The following DNAH6 variants were observed in gnomAD, a reference collection of about 807,000 sequenced individuals.
DNAH6 encodes the protein dynein axonemal heavy chain 6, also known as axonemal beta dynein heavy chain 6.
Under a neutral mutation model 491.4 loss-of-function variants are expected in DNAH6, and 340 were observed. That is an observed-to-expected ratio of 0.69 (90% CI 0.63 to 0.76). The LOEUF (loss-of-function observed/expected upper bound fraction) is 0.76, where lower values mean the gene tolerates loss of function less well. DNAH6 is among the 30% of genes least tolerant of loss of function. DNAH6 has a pLI of 0.00. For missense variants in DNAH6, 4,443 were observed against 4,972.2 expected (o/e 0.89, Z 3.20); for synonymous variants, 1,603 against 1,686.1 (o/e 0.95, Z 1.21).
chr2:84,685,461 C>T lies in DNAH6; in HGVS notation c.7052C>T (p.Thr2351Ile). The change falls in exon 43 of 77, where the codon ACA becomes ATA. Residue 2351 changes from threonine (T) to isoleucine (I), a missense_variant. Coordinates refer to ENST00000389394, the MANE Select transcript of DNAH6 (RefSeq NM_001370.2). ...AAGCACTATTTCCATGTTATTCTGA[C>T]AGAAATGGCCAGTAAATATGAATCT... is the stretch of plus-strand genomic sequence containing the variant. ...EDKHYFHVIL[T>I]EMANKHFGIA... The T allele has an allele frequency of 6.8e-7, 1 of 1,475,580 alleles. No individual in the cohort carries two copies. Among genetic ancestry groups the T allele is most frequent in the Non-Finnish European group, 9.0e-7 (1 of 1,106,298 alleles). The allele number at this position is 1,475,580 out of a possible 1,614,324, so 91.4% of individuals were successfully genotyped here.
At chr2:84,796,724 T>C (rs1268219370) in intron 69 of DNAH6, among the ~76,000 whole-genome samples, 18 of 152,180 alleles carry the variant, frequency 1.2e-4, no homozygotes, top group Non-Finnish European at 5.9e-5. Flanking sequence ...CATCCAGACA[T>C]AGTGGCACAT....
chr2:84,624,827 C>T (rs570379627), intron 28 of DNAH6, 75 bp from the exon 29 acceptor site: 16 of 1,394,140 alleles, frequency 1.1e-5, no homozygotes, highest in Admixed American at 1.1e-4. Flanking sequence ...TAATCCTTCC[C>T]CCATAGAGAG....
intron 67 of DNAH6, among the ~76,000 whole-genome samples, chr2:84,786,266 A>G (rs1677175564): frequency 6.6e-6 from 1 of 152,040 alleles, no homozygotes; most frequent in South Asian, 2.1e-4. Flanking sequence ...TCTCTACAAA[A>G]GTTTTAAAAA....
At chr2:84,787,358 T>C (rs1489522151) in intron 68 of DNAH6, 56 bp downstream of exon 68, 1 of 1,422,768 alleles carries the variant, frequency 7.0e-7, no homozygotes, top group Non-Finnish European at 9.6e-7. Context: ...GTTGTTGGTT[T>C]ACTCCCACCT....
In DNAH6 at chr2:84,716,958, C is replaced by T. The variant is rs563657674; in HGVS notation, c.9612-1246C>T. 2.6e-5 allele frequency among the ~76,000 whole-genome samples: 4 copies of T among 152,326 alleles called. No individual in the cohort carries two copies. The East Asian group carries it at 7.7e-4, about 29-fold the overall frequency. ...CTGAGCTCCTGGACAGGCAGTGATA[C>T]ACATTGTGCTCAATTTCTCATTGCA... On this transcript the variant is annotated intron_variant, in intron 58 of 76. Coordinates refer to ENST00000389394, the MANE Select transcript of DNAH6 (RefSeq NM_001370.2).
chr2:84,588,496 C>T (rs1485076271), intron 15 of DNAH6, among the ~76,000 whole-genome samples: 1 of 152,214 alleles, frequency 6.6e-6, no homozygotes, highest in Non-Finnish European at 1.5e-5. Context: ...ATCATATCCC[C>T]TTCCTTCTCT....
At chr2:84,817,571 C>T (rs1294534348) in intron 76 of DNAH6, among the ~76,000 whole-genome samples, 1 of 152,010 alleles carries the variant, frequency 6.6e-6, no homozygotes, top group Non-Finnish European at 1.5e-5. Flanking sequence ...AGTTCAACAC[C>T]AGCCTGGGCA....
intron 18 of DNAH6, among the ~76,000 whole-genome samples, chr2:84,602,100 CCAGACA>C (rs1157299804): frequency 6.6e-6 from 1 of 151,462 alleles, no homozygotes; most frequent in Non-Finnish European, 1.5e-5. Flanking sequence ...TGTTTTTGCT[CCAGACA>C]GTTATCTTTT....
chr2:84,762,914 A>G lies in DNAH6; in HGVS notation c.10672A>G (p.Arg3558Gly), dbSNP rs746026580. Residue 3558 changes from arginine to glycine, a missense_variant, in exon 64 of 77, where the codon AGG (arginine) becomes GGG (glycine). Physicochemically the swap from Arg to Gly is moderately radical, Grantham distance 125 (BLOSUM62 -2). Around this residue, in one of 3 missense-constraint regions of DNAH6, gnomAD observed 1,463 missense variants for 1,656.6 expected, o/e 0.88. Transcript: ENST00000389394. The part of the protein sequence containing the change: ...TGSDPMGAFQ[R>G]FARESGYSER... ...CTCAGATCCCATGGGTGCATTTCAG[A>G]GGTTTGCCAGGGAAAGTGGATATTC... The G allele has an allele frequency of 6.4e-7, 1 of 1,551,394 alleles. No individual in the cohort carries two copies. Among genetic ancestry groups the G allele is most frequent in the African/African-American group, 1.4e-5 (1 of 73,136 alleles).
intron 40 of DNAH6, 28 bp downstream of exon 40, chr2:84,672,512 G>T (rs1486922281): frequency 6.5e-7 from 1 of 1,532,738 alleles, no homozygotes; most frequent in Non-Finnish European, 8.8e-7. Context: ...ATTACTTGGT[G>T]TGCTTAAATT....
intron 5 of DNAH6, among the ~76,000 whole-genome samples, chr2:84,544,889 G>A (rs1164719196): frequency 2.0e-5 from 3 of 151,914 alleles, no homozygotes; most frequent in African/African-American, 7.3e-5. Flanking sequence ...AATAAGTCAG[G>A]GCCTTGTTTT....
At position 84,804,532 on chromosome 2, in the gene DNAH6, AAAGT is replaced by A. The variant is rs1214509958; in HGVS notation, c.11482-1127_11482-1124del. Among the ~76,000 whole-genome samples the A allele has an allele frequency of 2.0e-5, 3 of 152,016 alleles. No homozygotes were observed. The East Asian group carries it at 5.8e-4, about 29-fold the overall frequency. ...CTTCATTATAAGTAATTATATCTGG[AAAGT>A]AAGTATCATGAATATTTTTTATTTA... On this transcript the variant is annotated intron_variant, in intron 70 of 76. Coordinates refer to ENST00000389394, the MANE Select transcript of DNAH6 (RefSeq NM_001370.2).
chr2:84,466,253 C>T, the DNAH6 span, among the ~76,000 whole-genome samples: 13 of 152,324 alleles, frequency 8.5e-5, no homozygotes, highest in Middle Eastern at 0.01. Context: ...ATTGGCTCTA[C>T]AAGTCAAGTT....
chr2:84,793,491 AC>A (rs552973194), intron 68 of DNAH6, among the ~76,000 whole-genome samples: 113 of 151,916 alleles, frequency 7.4e-4, no homozygotes, highest in African/African-American at 2.6e-3. Flanking sequence ...ATGTTAGGAC[AC>A]CCTTCTTCCC....
At chr2:84,792,513 A>G (rs2105268622) in intron 68 of DNAH6, among the ~76,000 whole-genome samples, 1 of 152,320 alleles carries the variant, frequency 6.6e-6, no homozygotes, top group South Asian at 2.1e-4. Context: ...GTATACATTA[A>G]TTATGTGCAG....
rs992785952 is a variant in DNAH6 at position 84,621,271 on chromosome 2, T to C, written c.3873T>C (p.Ser1291=). Residue 1291 remains serine (S), a synonymous_variant, in exon 25 of 77, where the codon TCT becomes TCC. Transcript: ENST00000389394. The part of the protein sequence containing the change: ...LGKVEEAMFT[S]LRRLCKAAIA... ...AAGTGGAAGAAGCCATGTTCACATCTCTGCGTCGCCTGTGCAAAGCTGCCA... is the reference window on the plus strand; with the variant it reads ...AAGTGGAAGAAGCCATGTTCACATCCCTGCGTCGCCTGTGCAAAGCTGCCA... 2.6e-6 allele frequency: 4 copies of C among 1,551,530 alleles called. No individual in the cohort carries two copies. In the African/African-American group the frequency reaches 4.1e-5, roughly 16 times the overall value.
At position 84,677,156 on chromosome 2, in the gene DNAH6, TAGGCA is replaced by T. The variant is rs1558894701; in HGVS notation, c.6744+22_6744+26del. Reference sequence around the variant, plus strand: ...TTTCAGGTGAGTGTCGATTTTAACTTAGGCAACAGGAGGAAAAGAAAGCATATTTG... The same window carrying T: ...TTTCAGGTGAGTGTCGATTTTAACTTACAGGAGGAAAAGAAAGCATATTTG... On this transcript the variant is annotated intron_variant, in intron 41 of 76. Coordinates refer to ENST00000389394, the MANE Select transcript of DNAH6 (RefSeq NM_001370.2). 8.4e-6 allele frequency: 13 copies of T among 1,551,526 alleles called. No homozygotes were observed. Among genetic ancestry groups the T allele is most frequent in the Non-Finnish European group, 1.1e-5 (13 of 1,146,848 alleles).
At chr2:84,700,571 A>G (rs1444458882) in intron 48 of DNAH6, among the ~76,000 whole-genome samples, 1 of 152,220 alleles carries the variant, frequency 6.6e-6, no homozygotes, top group East Asian at 1.9e-4. Context: ...GCACTAAGCT[A>G]ATTATCAAAA....
chr2:84,798,233 G>T (rs188289224), intron 70 of DNAH6, among the ~76,000 whole-genome samples: 2 of 152,088 alleles, frequency 1.3e-5, no homozygotes, highest in African/African-American at 4.8e-5. Context: ...GCATGCACTC[G>T]AAGCTCTCCC....
Sources: allele counts gnomAD v4.1 joint callset (sites outside exome capture counted in the v4.1 genomes callset), GRCh38; gene constraint gnomAD v4.1.1; regional missense constraint gnomAD v4.1.1; transcripts MANE v1.5; gene names NCBI Gene and HGNC (gene_info 2026-07-23, HGNC 2026-07-21).